Variants in TENT4B observed in about 807,000 individuals in gnomAD.
TENT4B encodes the protein terminal nucleotidyltransferase 4B.
TENT4B carries 10 observed loss-of-function variants against 75.0 expected under a neutral mutation model. That is an observed-to-expected ratio of 0.13 (90% CI 0.08 to 0.23). The LOEUF (loss-of-function observed/expected upper bound fraction) is 0.23, where lower values mean the gene tolerates loss of function less well. TENT4B is among the 10% of genes least tolerant of loss of function. The pLI is 1.00. For synonymous variants in TENT4B, 350 were observed against 357.7 expected, an observed-to-expected ratio of 0.98 and a Z score of 0.24; for missense variants, 579 against 893.8, an observed-to-expected ratio of 0.65 and a Z score of 4.49.
chr16:50,234,946 A>C lies in TENT4B; in HGVS notation c.*5618A>C. The C allele has an allele frequency of 1.0e-6, 1 of 985,870 alleles. No homozygotes were observed. Among genetic ancestry groups the C allele is most frequent in the Non-Finnish European group, 1.2e-6 (1 of 829,918 alleles). The allele number at this position is 985,870 out of a possible 1,614,324, so 61.1% of individuals were successfully genotyped here. A position where few individuals can be genotyped will look rare whatever the true frequency, so the allele number is the denominator to read the frequency against. ...ATTAGCATTGTCTTCAGTGTTAAGA[A>C]ATGTGGACTCCTGTGAGGTGCTGGA... On this transcript the variant is annotated 3_prime_UTR_variant, in exon 12 of 12. Coordinates refer to ENST00000561678, the MANE Select transcript of TENT4B (RefSeq NM_001365324.3).
chr16:50,183,056 T>A (rs998761844), intron 1 of TENT4B, among the ~76,000 whole-genome samples: 2 of 150,710 alleles, frequency 1.3e-5, no homozygotes, highest in African/African-American at 2.4e-5. Flanking sequence ...TATTTATTTA[T>A]TTTTGAGATG....
At chr16:50,229,087 G>T in intron 11 of TENT4B, 65 bp from the exon 12 acceptor site, 1 of 1,578,164 alleles carries the variant, frequency 6.3e-7, no homozygotes, top group Non-Finnish European at 8.6e-7. Context: ...CCAAATCCAG[G>T]TGTTTGAGAA....
upstream of TENT4B, chr16:50,153,043 G>C (rs1296795345): frequency 2.0e-6 from 3 of 1,507,296 alleles, no homozygotes; most frequent in Non-Finnish European, 1.8e-6. Context: ...GTACGTGGGA[G>C]CACTCCACAG....
intron 1 of TENT4B, among the ~76,000 whole-genome samples, chr16:50,198,964 A>G (rs2030461888): frequency 6.6e-6 from 1 of 152,206 alleles, no homozygotes; most frequent in African/African-American, 2.4e-5. Context: ...TGCTTACGCA[A>G]AGGTGGTATT....
At position 50,232,800 on chromosome 16, in the gene TENT4B, T is replaced by G. The variant is rs2032334860; in HGVS notation, c.*3472T>G. The stretch of plus-strand genomic sequence containing the variant: ...TCATGACTACATCTCAGTTTTACTT[T>G]AATATTGATCTATAGTTTGATCAGT... On this transcript the variant is annotated 3_prime_UTR_variant, in exon 12 of 12. Transcript: ENST00000561678. 1 of 985,238 alleles carries G rather than the reference T, an allele frequency of 1.0e-6. No individual in the cohort carries two copies. Among genetic ancestry groups the G allele is most frequent in the African/African-American group, 1.7e-5 (1 of 57,246 alleles). 61.0% of individuals were successfully genotyped at this position (985,238 alleles called of 1,614,324 possible).
At chr16:50,194,480 G>A (rs1026962557) in intron 1 of TENT4B, among the ~76,000 whole-genome samples, 2 of 151,834 alleles carry the variant, frequency 1.3e-5, no homozygotes, top group Admixed American at 6.6e-5. Flanking sequence ...CTCCCAAAGC[G>A]CTGTGATTAT....
intron 2 of TENT4B, among the ~76,000 whole-genome samples, chr16:50,213,778 C>G (rs965169862): frequency 6.6e-6 from 1 of 152,104 alleles, no homozygotes; most frequent in African/African-American, 2.4e-5. Context: ...TTTAAAAATA[C>G]AGTATAACAA....
At position 50,212,646 on chromosome 16, in the gene TENT4B, G is replaced by A. The variant is rs191395860; in HGVS notation, c.762+1200G>A. ...AGGCAAGGGTACTAATGTTTTATGA[G>A]CAATGACCATACATCGCATTCTTTC... On this transcript the variant is annotated intron_variant, in intron 2 of 11. Transcript: ENST00000561678. Among the ~76,000 whole-genome samples, 261 of 152,244 alleles carry A rather than the reference G, an allele frequency of 1.7e-3. 2 individuals carry two copies. In the South Asian group the frequency reaches 0.019, roughly 11 times the overall value.
intron 1 of TENT4B, among the ~76,000 whole-genome samples, chr16:50,198,194 A>T (rs2030401206): frequency 6.6e-6 from 1 of 151,468 alleles, no homozygotes; most frequent in Non-Finnish European, 1.5e-5. Context: ...ACGTGGGTGG[A>T]TCTCTTGAGC....
In TENT4B at chr16:50,229,528, C is replaced by G. The variant is rs1386152765; in HGVS notation, c.*200C>G. 1 of 1,249,194 alleles carries G rather than the reference C, an allele frequency of 8.0e-7. No homozygotes were observed. The highest frequency in any genetic ancestry group is 1.0e-6 in the Non-Finnish European group (1 of 999,768). 77.4% of individuals were successfully genotyped at this position (1,249,194 alleles called of 1,614,324 possible). A position where few individuals can be genotyped will look rare whatever the true frequency, so the allele number is the denominator to read the frequency against. On this transcript the variant is annotated 3_prime_UTR_variant, in exon 12 of 12. Coordinates refer to ENST00000561678, the MANE Select transcript of TENT4B (RefSeq NM_001365324.3). ...AAACAAAACAAAACAAAAAAAAAAG[C>G]AAGCAAAAAAGAGGGAAAAAAAAGG... is the stretch of plus-strand genomic sequence containing the variant.
At chr16:50,159,505 G>T (rs1266978797) in intron 1 of TENT4B, among the ~76,000 whole-genome samples, 2 of 152,144 alleles carry the variant, frequency 1.3e-5, no homozygotes, top group Non-Finnish European at 1.5e-5. Context: ...CGCCCAAAGT[G>T]CTGGGATTAC....
Position 50,233,201 on chromosome 16 carries a change from T to A in TENT4B, c.*3873T>A, listed in dbSNP as rs1389576467. 1.0e-6 allele frequency: 1 copy of A among 984,748 alleles called. No homozygotes were observed. The highest frequency in any genetic ancestry group is 1.7e-5 in the African/African-American group (1 of 57,232). The allele number at this position is 984,748 out of a possible 1,614,324, so 61.0% of individuals were successfully genotyped here. Reference sequence around the variant, plus strand: ...CTAGTAAAATATTTAGAGAATGATGTTAACATTCCAGCATTAAAGTGGGAA... The same window carrying A: ...CTAGTAAAATATTTAGAGAATGATGATAACATTCCAGCATTAAAGTGGGAA... On this transcript the variant is annotated 3_prime_UTR_variant, in exon 12 of 12. Transcript: ENST00000561678.
At chr16:50,217,292 AAAT>A (rs1259573182) in intron 4 of TENT4B, among the ~76,000 whole-genome samples, 2 of 152,220 alleles carry the variant, frequency 1.3e-5, no homozygotes, top group Admixed American at 1.3e-4. Context: ...CAATAAAAAT[AAAT>A]AATAAAAAAT....
chr16:50,185,516 G>C (rs1181940141), intron 1 of TENT4B, among the ~76,000 whole-genome samples: 1 of 152,196 alleles, frequency 6.6e-6, no homozygotes, highest in East Asian at 1.9e-4. Context: ...GTGTCAATGG[G>C]TCATCTGTTC....
intron 1 of TENT4B, among the ~76,000 whole-genome samples, chr16:50,207,647 G>T (rs557250358): frequency 1.3e-5 from 2 of 152,116 alleles, no homozygotes; most frequent in Admixed American, 6.5e-5. Flanking sequence ...GTAACAATGG[G>T]CATGTGTCAT....
At chr16:50,186,969 C>T (rs1294325142) in intron 1 of TENT4B, among the ~76,000 whole-genome samples, 9 of 151,698 alleles carry the variant, frequency 5.9e-5, no homozygotes, top group Admixed American at 5.9e-4. Flanking sequence ...CTTTGTTGCC[C>T]AGGCTGGTCT....
chr16:50,159,819 A>G (rs1168491116), intron 1 of TENT4B, among the ~76,000 whole-genome samples: 3 of 151,772 alleles, frequency 2.0e-5, no homozygotes, highest in Non-Finnish European at 4.4e-5. Flanking sequence ...TACACTAACA[A>G]TATAATTCAT....
chr16:50,214,272 G>C lies in TENT4B; in HGVS notation c.809+5G>C. ...TGGACTTTATTTACCTACTAGGTTA[G>C]TACACTCATGAATCTTTCAAAGGAC... On this transcript the variant is annotated splice_donor_5th_base_variant and intron_variant, in intron 3 of 11. Coordinates refer to ENST00000561678, the MANE Select transcript of TENT4B (RefSeq NM_001365324.3). 6.3e-7 allele frequency: 1 copy of C among 1,577,238 alleles called. No individual in the cohort carries two copies.
chr16:50,208,926 T>C (rs964631688), intron 1 of TENT4B, among the ~76,000 whole-genome samples: 3 of 152,014 alleles, frequency 2.0e-5, no homozygotes, highest in Admixed American at 2.0e-4. Flanking sequence ...AGAGATGGGG[T>C]TTTGCGTGTT....
Sources: allele counts gnomAD v4.1 joint callset (sites outside exome capture counted in the v4.1 genomes callset), GRCh38; gene constraint gnomAD v4.1.1; transcripts MANE v1.5; gene names NCBI Gene and HGNC (gene_info 2026-07-23, HGNC 2026-07-21).